Variants in SASH1 observed in about 807,000 individuals in gnomAD.
SASH1 encodes SAM and SH3 domain-containing protein 1.
SASH1 carries 44 observed loss-of-function variants against 125.2 expected under a neutral mutation model. That is an observed-to-expected ratio of 0.35 (90% CI 0.28 to 0.45). The LOEUF (loss-of-function observed/expected upper bound fraction) is 0.45. Ranked by LOEUF, SASH1 falls within the 20% of genes least tolerant of loss-of-function variation. The pLI, the probability that SASH1 is intolerant of heterozygous loss-of-function variation, is 1.00. For synonymous variants in SASH1, 639 were observed against 649.1 expected, an observed-to-expected ratio of 0.98 and a Z score of 0.24; for missense variants, 1,426 against 1,614.5, an observed-to-expected ratio of 0.88 and a Z score of 2.00.
chr6:148,388,135 G>A (rs1295466720), intron 1 of SASH1, among the ~76,000 whole-genome samples: 1 of 151,806 alleles, frequency 6.6e-6, no homozygotes, highest in Non-Finnish European at 1.5e-5. Context: ...GGCTGGTCTC[G>A]AACTCCTGAC....
intron 1 of SASH1, among the ~76,000 whole-genome samples, chr6:148,306,702 G>A (rs1780137924): frequency 6.6e-6 from 1 of 152,286 alleles, no homozygotes; most frequent in Middle Eastern, 3.4e-3. Context: ...CCCGAGCTGA[G>A]ACAGGGTCAG....
intron 6 of SASH1, among the ~76,000 whole-genome samples, chr6:148,473,042 T>G (rs1778186022): frequency 6.6e-6 from 1 of 152,184 alleles, no homozygotes; most frequent in Non-Finnish European, 1.5e-5. Context: ...AGCAGTCTGT[T>G]TGCTCTGTAG....
chr6:148,520,292 G>A (rs762720867), intron 10 of SASH1: 2 of 183,554 alleles, frequency 1.1e-5, no homozygotes, highest in African/African-American at 4.7e-5. Flanking sequence ...GGCGGTGCCT[G>A]CTGGAGGAGG....
chr6:148,362,964 G>A (rs1782296819), intron 1 of SASH1, among the ~76,000 whole-genome samples: 2 of 152,186 alleles, frequency 1.3e-5, no homozygotes, highest in South Asian at 2.1e-4. Context: ...TGCCACCCAG[G>A]ACAGAGCTGG....
intron 1 of SASH1, among the ~76,000 whole-genome samples, chr6:148,317,251 C>T (rs1291193192): frequency 2.6e-5 from 4 of 152,120 alleles, no homozygotes; most frequent in African/African-American, 7.2e-5. Flanking sequence ...CCCTTGCATG[C>T]GTAAGCCAGT....
rs574549525 is a variant in SASH1, at chr6:148,423,041, C to T, written c.286-17143C>T. Among the ~76,000 whole-genome samples, 500 of 152,252 alleles carry T rather than the reference C, an allele frequency of 3.3e-3. 1 individual carries two copies. The highest frequency in any genetic ancestry group is 5.8e-3 in the Non-Finnish European group (393 of 68,018). ...GCAACCTCTGCCTCCCAGGTTCAAG[C>T]GATTCTCCTGCCTCAGCCTCCCGAG... On this transcript the variant is annotated intron_variant, in intron 2 of 19. Coordinates refer to ENST00000367467, the MANE Select transcript of SASH1 (RefSeq NM_015278.5).
intron 5 of SASH1, among the ~76,000 whole-genome samples, chr6:148,469,480 C>G (rs1777998839): frequency 6.6e-6 from 1 of 152,184 alleles, no homozygotes; most frequent in Admixed American, 6.5e-5. Context: ...CTTCTCTTAT[C>G]CCAGCAATTT....
chr6:148,259,415 C>T, the SASH1 span, among the ~76,000 whole-genome samples: 1 of 152,100 alleles, frequency 6.6e-6, no homozygotes. Context: ...TGAATTTTTT[C>T]AAAGCAAGGG....
At chr6:148,279,112 C>T (rs1779266354) in intron 1 of SASH1, among the ~76,000 whole-genome samples, 1 of 152,056 alleles carries the variant, frequency 6.6e-6, no homozygotes, top group African/African-American at 2.4e-5. Flanking sequence ...CTATCTCAGC[C>T]TCCCAAGTAG....
chr6:148,547,178 G>A (rs113610603), intron 19 of SASH1, among the ~76,000 whole-genome samples: 6,326 of 152,286 alleles, frequency 0.042, 165 homozygotes, highest in Non-Finnish European at 0.058. Flanking sequence ...CGAATGGCCA[G>A]CATCGTTACT....
At chr6:148,402,249 A>G (rs1784197841) in intron 2 of SASH1, among the ~76,000 whole-genome samples, 1 of 152,226 alleles carries the variant, frequency 6.6e-6, no homozygotes, top group Non-Finnish European at 1.5e-5. Flanking sequence ...TAAAGAGGAA[A>G]AAACAAAGTA....
the SASH1 span, among the ~76,000 whole-genome samples, chr6:148,218,522 G>T: frequency 2.6e-5 from 4 of 152,192 alleles, no homozygotes; most frequent in African/African-American, 9.6e-5. Flanking sequence ...CAACACAGCT[G>T]CCCCAGTGCA....
the SASH1 span, among the ~76,000 whole-genome samples, chr6:148,197,011 T>C: frequency 1.3e-5 from 2 of 152,070 alleles, no homozygotes; most frequent in East Asian, 1.9e-4. Flanking sequence ...TGGGGAAAGA[T>C]AGAGAATGGA....
chr6:148,534,464 T>C (rs1425207553), intron 15 of SASH1, among the ~76,000 whole-genome samples: 1 of 151,986 alleles, frequency 6.6e-6, no homozygotes, highest in African/African-American at 2.4e-5. Flanking sequence ...TCTGTGGAGG[T>C]AAAGGAATTA....
rs752458347 is a variant in SASH1 at position 148,360,642 on chromosome 6, C to CCCCT, written c.156+17420_156+17421insCCTC. 1.1e-3 allele frequency among the ~76,000 whole-genome samples: 137 copies of CCCCT among 128,792 alleles called. 1 individual carries two copies. The highest frequency in any genetic ancestry group is 1.8e-3 in the Non-Finnish European group (104 of 57,330). 84.5% of individuals were successfully genotyped at this position (128,792 alleles called of 152,430 possible). ...GGGATTACAGGCGTGAGCCACCCCC[C>CCCCT]CGCCAGGCTTTAAAGCCTTTTTAAC... is the stretch of plus-strand genomic sequence containing the variant. On this transcript the variant is annotated intron_variant, in intron 1 of 19. Transcript: ENST00000367467.
chr6:148,440,508 G>A, intron 4 of SASH1, 101 bp downstream of exon 4: 2 of 956,040 alleles, frequency 2.1e-6, no homozygotes, highest in Middle Eastern at 3.2e-4. Context: ...TATGTACTAT[G>A]GAGTTATGCG....
At chr6:148,458,937 A>AGCCT (rs1777480929) in intron 4 of SASH1, among the ~76,000 whole-genome samples, 1 of 148,824 alleles carries the variant, frequency 6.7e-6, no homozygotes, top group Non-Finnish European at 1.5e-5. Context: ...ACTGTATTCT[A>AGCCT]GCCTGGGTGA....
At chr6:148,335,072 T>C (rs1416690976) in intron 1 of SASH1, among the ~76,000 whole-genome samples, 4 of 147,930 alleles carry the variant, frequency 2.7e-5, no homozygotes, top group African/African-American at 1.0e-4. Flanking sequence ...CCGAGGCAGG[T>C]GGATCACCTG....
At chr6:148,449,073 C>T (rs374727929) in intron 4 of SASH1, among the ~76,000 whole-genome samples, 1 of 45,402 alleles carries the variant, frequency 2.2e-5, no homozygotes, top group African/African-American at 9.6e-5. Flanking sequence ...AATTTCATTT[C>T]ATTTCTTTTT....
Sources: allele counts gnomAD v4.1 joint callset (sites outside exome capture counted in the v4.1 genomes callset), GRCh38; gene constraint gnomAD v4.1.1; transcripts MANE v1.5; gene names NCBI Gene and HGNC (gene_info 2026-07-23, HGNC 2026-07-21).